The following GRM5 variants were observed in gnomAD, a reference collection of about 807,000 sequenced individuals.
GRM5 encodes metabotropic glutamate receptor 5.
In GRM5, 19 loss-of-function variants were observed where a neutral mutation model predicts 83.1. That is an observed-to-expected ratio of 0.23 (90% CI 0.16 to 0.34). GRM5 has a LOEUF of 0.34. Ranked by LOEUF, GRM5 falls within the 10% of genes least tolerant of loss-of-function variation. The pLI is 1.00. For synonymous variants in GRM5, 675 were observed against 633.6 expected, an observed-to-expected ratio of 1.07 and a Z score of -0.98; for missense variants, 1,160 against 1,588.3, an observed-to-expected ratio of 0.73 and a Z score of 4.58.
intron 2 of GRM5, among the ~76,000 whole-genome samples, chr11:88,937,995 C>T (rs3913992): frequency 6.6e-6 from 1 of 151,556 alleles, no homozygotes; most frequent in African/African-American, 2.4e-5. Flanking sequence ...ATGCCTAGAG[C>T]TGAAAATAAT....
At chr11:88,796,526 TC>T (rs1378068315) in intron 3 of GRM5, among the ~76,000 whole-genome samples, 1 of 152,150 alleles carries the variant, frequency 6.6e-6, no homozygotes, top group Non-Finnish European at 1.5e-5. Context: ...ATATTTGACT[TC>T]AATTCTGTAT....
At chr11:88,598,290 C>T (rs771935265) in intron 5 of GRM5, among the ~76,000 whole-genome samples, 3 of 152,088 alleles carry the variant, frequency 2.0e-5, no homozygotes, top group Non-Finnish European at 4.4e-5. Flanking sequence ...AAAATGTTCT[C>T]GCTTTTGGAT....
At chr11:88,847,298 T>C (rs1281984392) in intron 3 of GRM5, among the ~76,000 whole-genome samples, 1 of 152,188 alleles carries the variant, frequency 6.6e-6, no homozygotes, top group African/African-American at 2.4e-5. Flanking sequence ...CAATAATTAT[T>C]GTTTTTTTGC....
intron 4 of GRM5, among the ~76,000 whole-genome samples, chr11:88,615,835 C>A (rs1404251151): frequency 1.3e-5 from 2 of 151,970 alleles, no homozygotes; most frequent in Non-Finnish European, 2.9e-5. Flanking sequence ...TCTTATCTCT[C>A]CAGGTTTAGG....
intron 2 of GRM5, 92 bp from the exon 3 acceptor site, chr11:88,850,247 A>G: frequency 2.6e-6 from 2 of 764,598 alleles, no homozygotes; most frequent in Non-Finnish European, 4.3e-6. Context: ...GGAGCATGAA[A>G]GTCATTGGTA....
At chr11:89,001,882 T>C (rs193289691) in intron 2 of GRM5, among the ~76,000 whole-genome samples, 1 of 152,292 alleles carries the variant, frequency 6.6e-6, no homozygotes, top group Non-Finnish European at 1.5e-5. Context: ...AAGGTACATA[T>C]ATTTTAAACA....
intron 3 of GRM5, among the ~76,000 whole-genome samples, chr11:88,819,682 A>C (rs1943752471): frequency 6.6e-6 from 1 of 152,144 alleles, no homozygotes; most frequent in African/African-American, 2.4e-5. Flanking sequence ...TTCCTTTTTA[A>C]GGACTTCGTC....
chr11:89,051,717 GATAATA>G (rs570037322), intron 1 of GRM5, among the ~76,000 whole-genome samples: 235 of 152,142 alleles, frequency 1.5e-3, no homozygotes, highest in Non-Finnish European at 2.6e-3. Flanking sequence ...CTCAAGAAAA[GATAATA>G]ATAATAATGT....
chr11:88,825,174 G>A (rs1198007881), intron 3 of GRM5, among the ~76,000 whole-genome samples: 1 of 150,880 alleles, frequency 6.6e-6, no homozygotes, highest in East Asian at 1.9e-4. Context: ...TTATGCTAAG[G>A]ATCATCTCAG....
At chr11:88,920,644 A>T (rs1175036930) in intron 2 of GRM5, among the ~76,000 whole-genome samples, 1 of 152,206 alleles carries the variant, frequency 6.6e-6, no homozygotes, top group Non-Finnish European at 1.5e-5. Context: ...AAAATGCAGG[A>T]CAATATCTCT....
intron 3 of GRM5, among the ~76,000 whole-genome samples, chr11:88,697,655 C>T (rs1189108994): frequency 6.6e-6 from 1 of 152,194 alleles, no homozygotes. Flanking sequence ...CCACAAAATA[C>T]ATGCACAATT....
chr11:88,644,067 A>C (rs1168074718), intron 4 of GRM5, among the ~76,000 whole-genome samples: 1 of 152,192 alleles, frequency 6.6e-6, no homozygotes, highest in African/African-American at 2.4e-5. Flanking sequence ...ACATTCTACA[A>C]ATATTATTTG....
chr11:88,757,219 G>T (rs75719407), intron 3 of GRM5, among the ~76,000 whole-genome samples: 8,101 of 152,238 alleles, frequency 0.053, 403 homozygotes, highest in Admixed American at 0.16. Flanking sequence ...GAAAGTTCGG[G>T]AGATACACTG....
At chr11:88,607,518 C>T (rs937241767) in intron 4 of GRM5, among the ~76,000 whole-genome samples, 1 of 152,148 alleles carries the variant, frequency 6.6e-6, no homozygotes, top group Non-Finnish European at 1.5e-5. Context: ...AGCACAATAG[C>T]CTTAACTAGA....
intron 4 of GRM5, among the ~76,000 whole-genome samples, chr11:88,645,198 A>T (rs992261): frequency 2.6e-5 from 4 of 151,888 alleles, no homozygotes; most frequent in Non-Finnish European, 2.9e-5. Context: ...TGGTTGTGTG[A>T]GTAGTTCCTT....
intron 2 of GRM5, among the ~76,000 whole-genome samples, chr11:88,928,527 T>C (rs2135642478): frequency 6.6e-6 from 1 of 150,974 alleles, no homozygotes; most frequent in East Asian, 1.9e-4. Flanking sequence ...TCATAATGAG[T>C]GGTGATGTTA....
chr11:88,557,156 G>A (rs1231043524), intron 8 of GRM5, among the ~76,000 whole-genome samples: 3 of 152,020 alleles, frequency 2.0e-5, no homozygotes, highest in Non-Finnish European at 4.4e-5. Context: ...AGGCTATTAG[G>A]CCTCTATGTG....
chr11:88,538,961 G>C (rs1942200663), intron 8 of GRM5, among the ~76,000 whole-genome samples: 1 of 152,150 alleles, frequency 6.6e-6, no homozygotes, highest in African/African-American at 2.4e-5. Flanking sequence ...ACAGGTAACT[G>C]TACTATTTTT....
intron 1 of GRM5, among the ~76,000 whole-genome samples, chr11:89,049,567 T>A (rs1313593076): frequency 6.6e-6 from 1 of 152,182 alleles, no homozygotes; most frequent in Non-Finnish European, 1.5e-5. Flanking sequence ...AAAAGTTAAG[T>A]CCAGACACAA....
Sources: gnomAD v4.1 joint callset for allele counts (sites outside exome capture counted in the v4.1 genomes callset) on GRCh38, gnomAD v4.1.1 for gene constraint, MANE v1.5 for transcripts, NCBI Gene and HGNC (gene_info 2026-07-23, HGNC 2026-07-21) for gene names.